Variants in AGBL4 observed in about 807,000 individuals in gnomAD.
AGBL4 encodes AGBL carboxypeptidase 4.
Under a neutral mutation model 66.4 loss-of-function variants are expected in AGBL4, and 58 were observed. The observed-to-expected ratio is 0.87, with a 90% CI of 0.71 to 1.09. The LOEUF (loss-of-function observed/expected upper bound fraction) is 1.09, where lower values mean the gene tolerates loss of function less well. AGBL4 is among the 50% of genes least tolerant of loss of function. The probability of loss-of-function intolerance (pLI) is 0.00; values close to 1 mark genes in which losing one functional copy is unlikely to be tolerated. For synonymous variants in AGBL4, 234 were observed against 222.9 expected (o/e 1.05, Z -0.44); for missense variants, 579 against 631.0 (o/e 0.92, Z 0.88).
intron 6 of AGBL4, among the ~76,000 whole-genome samples, chr1:48,804,509 C>T (rs1645878497): frequency 6.6e-6 from 1 of 152,198 alleles, no homozygotes; most frequent in African/African-American, 2.4e-5. Context: ...AGCCTATGAT[C>T]TCTTCACTGG....
intron 1 of AGBL4, among the ~76,000 whole-genome samples, chr1:49,873,217 C>CT (rs1646882035): frequency 6.6e-6 from 1 of 151,964 alleles, no homozygotes; most frequent in African/African-American, 2.4e-5. Flanking sequence ...CTCTCTTCCT[C>CT]TCCCTGCTTT....
chr1:48,718,018 A>C (rs1647080684), intron 6 of AGBL4, among the ~76,000 whole-genome samples: 1 of 152,250 alleles, frequency 6.6e-6, no homozygotes, highest in Non-Finnish European at 1.5e-5. Flanking sequence ...GGCTGGGGAA[A>C]GGATGTGGGG....
downstream of AGBL4, among the ~76,000 whole-genome samples, chr1:48,531,401 G>A (rs558632615): frequency 5.8e-4 from 88 of 152,170 alleles, no homozygotes; most frequent in Non-Finnish European, 1.1e-3. Flanking sequence ...GTGATGCTTC[G>A]GAGCATTCAG....
intron 6 of AGBL4, among the ~76,000 whole-genome samples, chr1:48,746,913 G>C (rs1162346783): frequency 6.6e-6 from 1 of 152,196 alleles, no homozygotes; most frequent in Non-Finnish European, 1.5e-5. Context: ...TACAGGATCA[G>C]AAAGAAAAGG....
chr1:48,567,014 A>C (rs1313709090), intron 11 of AGBL4, among the ~76,000 whole-genome samples: 1 of 152,228 alleles, frequency 6.6e-6, no homozygotes, highest in Admixed American at 6.5e-5. Flanking sequence ...ATAAATCTAT[A>C]TATACATGCA....
chr1:50,000,354 T>G (rs1450618755), intron 1 of AGBL4, among the ~76,000 whole-genome samples: 2 of 151,976 alleles, frequency 1.3e-5, no homozygotes, highest in African/African-American at 4.8e-5. Context: ...GTAATGCAAA[T>G]CGAAACCACA....
intron 5 of AGBL4, among the ~76,000 whole-genome samples, chr1:48,915,398 T>G (rs1019897341): frequency 2.6e-5 from 4 of 152,184 alleles, no homozygotes; most frequent in Non-Finnish European, 4.4e-5. Context: ...GTTAATTACA[T>G]AGTTATTTGT....
chr1:49,447,867 C>A (rs1391854892), intron 3 of AGBL4, among the ~76,000 whole-genome samples: 1 of 152,086 alleles, frequency 6.6e-6, no homozygotes, highest in Non-Finnish European at 1.5e-5. Context: ...ACATTCTATT[C>A]AATGTGTGAT....
intron 3 of AGBL4, among the ~76,000 whole-genome samples, chr1:49,429,589 C>G (rs1645738531): frequency 6.6e-6 from 1 of 152,042 alleles, no homozygotes; most frequent in South Asian, 2.1e-4. Flanking sequence ...CTGTTACTAC[C>G]TTACTCATCT....
chr1:49,408,259 A>G (rs1645244865), intron 3 of AGBL4, among the ~76,000 whole-genome samples: 1 of 152,228 alleles, frequency 6.6e-6, no homozygotes, highest in Admixed American at 6.5e-5. Flanking sequence ...CTGAGAAATA[A>G]GCAAGAAAGA....
At chr1:48,697,274 G>GC (rs558467764) in intron 6 of AGBL4, among the ~76,000 whole-genome samples, 3 of 152,292 alleles carry the variant, frequency 2.0e-5, no homozygotes, top group African/African-American at 2.4e-5. Context: ...GAATGAAAAT[G>GC]CCCCGTGCTG....
intron 11 of AGBL4, among the ~76,000 whole-genome samples, chr1:48,577,769 G>A (rs1186435232): frequency 6.6e-6 from 1 of 152,090 alleles, no homozygotes; most frequent in Admixed American, 6.6e-5. Flanking sequence ...GTCAAACTAG[G>A]GACGCTGATC....
chr1:48,889,229 T>C (rs1650671656), intron 5 of AGBL4, among the ~76,000 whole-genome samples: 1 of 152,236 alleles, frequency 6.6e-6, no homozygotes, highest in African/African-American at 2.4e-5. Flanking sequence ...CTGTGTTCAG[T>C]GTCACAGAAA....
chr1:48,791,806 T>C (rs1645558337), intron 6 of AGBL4, among the ~76,000 whole-genome samples: 1 of 152,190 alleles, frequency 6.6e-6, no homozygotes, highest in South Asian at 2.1e-4. Flanking sequence ...CTGGTGTTCA[T>C]AAAACATAAA....
chr1:49,965,918 C>T (rs1226933049), intron 1 of AGBL4, among the ~76,000 whole-genome samples: 3 of 151,732 alleles, frequency 2.0e-5, no homozygotes, highest in Non-Finnish European at 4.4e-5. Context: ...TCAACCAGAG[C>T]CCCATTAGTC....
rs1044949212 is a variant in AGBL4, at chr1:48,867,325, A to G, written c.595-95T>C. 5.7e-6 allele frequency: 7 copies of G among 1,224,610 alleles called. No individual in the cohort carries two copies. The African/African-American group carries it at 1.0e-4, about 18-fold the overall frequency. The allele number at this position is 1,224,610 out of a possible 1,614,324, so 75.9% of individuals were successfully genotyped here. A position where few individuals can be genotyped will look rare whatever the true frequency, so the allele number is the denominator to read the frequency against. ...GCGGACAAGCAAAGAGGATGTTGGG[A>G]CATACTGCAGGGTAAATCATACGGA... is the stretch of plus-strand genomic sequence containing the variant. On this transcript the variant is annotated intron_variant, in intron 5 of 13. Coordinates refer to ENST00000371839, the MANE Select transcript of AGBL4 (RefSeq NM_032785.4).
chr1:49,997,852 G>C (rs1217345841), intron 1 of AGBL4, among the ~76,000 whole-genome samples: 1 of 152,008 alleles, frequency 6.6e-6, no homozygotes, highest in African/African-American at 2.4e-5. Context: ...ATTATATCAA[G>C]TACTTTCTCA....
chr1:49,799,268 A>G (rs929896782), intron 2 of AGBL4, among the ~76,000 whole-genome samples: 6 of 152,126 alleles, frequency 3.9e-5, no homozygotes, highest in Non-Finnish European at 7.4e-5. Context: ...TAATAACTTT[A>G]TATGTCAAGG....
chr1:49,548,658 T>G (rs972901911), intron 3 of AGBL4, among the ~76,000 whole-genome samples: 1 of 152,242 alleles, frequency 6.6e-6, no homozygotes, highest in Admixed American at 6.5e-5. Flanking sequence ...CTTTTTGATA[T>G]GTTGTTGAAT....
Sources: gnomAD v4.1 joint callset for allele counts (sites outside exome capture counted in the v4.1 genomes callset) on GRCh38, gnomAD v4.1.1 for gene constraint, MANE v1.5 for transcripts, NCBI Gene and HGNC (gene_info 2026-07-23, HGNC 2026-07-21) for gene names.